The following KIAA1549L variants were observed in gnomAD, a reference collection of about 807,000 sequenced individuals.
KIAA1549L encodes the protein KIAA1549 like.
A neutral mutation model predicts 160.7 loss-of-function variants in KIAA1549L; 88 were observed. The ratio of observed to expected loss-of-function variants is 0.55; its 90% CI spans 0.46 to 0.65. The LOEUF is 0.65. KIAA1549L is among the 30% of genes least tolerant of loss of function. KIAA1549L has a pLI of 0.00. For missense variants in KIAA1549L, 2,258 were observed against 2,437.5 expected (o/e 0.93, Z 1.55); for synonymous variants, 950 against 976.7 (o/e 0.97, Z 0.51).
chr11:33,661,380 C>T (rs755131593), intron 20 of KIAA1549L, among the ~76,000 whole-genome samples: 1 of 152,116 alleles, frequency 6.6e-6, no homozygotes, highest in East Asian at 1.9e-4. Flanking sequence ...GTATTATTCC[C>T]GTGATTACTC....
At chr11:33,616,269 G>A (rs938156051) in intron 15 of KIAA1549L, among the ~76,000 whole-genome samples, 9 of 152,234 alleles carry the variant, frequency 5.9e-5, no homozygotes, top group African/African-American at 1.7e-4. Context: ...GTGACAAACC[G>A]GCTGCCAGCA....
At position 33,542,707 on chromosome 11, in the gene KIAA1549L, G is replaced by A. The variant is rs1250756835; in HGVS notation, c.1144G>A (p.Gly382Ser). 2 of 1,613,886 alleles carry A rather than the reference G, an allele frequency of 1.2e-6. No homozygotes were observed. The highest frequency in any genetic ancestry group is 2.7e-5 in the African/African-American group (2 of 74,934). ...ATGGTCAATGTTGGAAGTGGCTTCA[G>A]GTCCTGCATCCACCCAGCAGATCAA... ...PSWSMLEVAS[G>S]PASTQQIKAG... The change falls in exon 2 of 21, where the codon GGT (glycine) becomes AGT (serine). Residue 382 changes from glycine to serine, a missense_variant. Physicochemically the swap from Gly to Ser is moderately conservative, Grantham distance 56. Around this residue, in one of 6 missense-constraint regions of KIAA1549L, gnomAD observed 540 missense variants for 465.7 expected, o/e 1.16. Transcript: ENST00000658780.
intron 1 of KIAA1549L, among the ~76,000 whole-genome samples, chr11:33,467,555 TGAG>T (rs2133016969): frequency 6.6e-6 from 1 of 152,338 alleles, no homozygotes; most frequent in African/African-American, 2.4e-5. Flanking sequence ...GGTTGCCAGT[TGAG>T]GAGTTTGCCA....
intron 16 of KIAA1549L, among the ~76,000 whole-genome samples, chr11:33,631,518 G>T (rs569042442): frequency 1.1e-4 from 16 of 152,250 alleles, no homozygotes; most frequent in South Asian, 8.3e-4. Flanking sequence ...AGCATCCGTG[G>T]TCTCTACCTA....
chr11:33,428,046 T>C (rs958016136), intron 1 of KIAA1549L, among the ~76,000 whole-genome samples: 1 of 152,256 alleles, frequency 6.6e-6, no homozygotes, highest in Admixed American at 6.5e-5. Context: ...TTTCCACCTT[T>C]TGGTTATGGT....
chr11:33,432,136 T>C (rs1466225321), intron 1 of KIAA1549L, among the ~76,000 whole-genome samples: 2 of 151,974 alleles, frequency 1.3e-5, no homozygotes, highest in African/African-American at 2.4e-5. Flanking sequence ...CCTCCACACC[T>C]CCCCGCAAGC....
chr11:33,439,569 ATT>A (rs34456047), intron 1 of KIAA1549L, among the ~76,000 whole-genome samples: 27,770 of 123,756 alleles, frequency 0.22, 3,103 homozygotes, highest in East Asian at 0.31. Context: ...TGCCCGGCTA[ATT>A]TTTTTTTTTT....
chr11:33,599,103 T>G (rs1564917887), intron 13 of KIAA1549L, 156 bp downstream of exon 13: 1 of 768,776 alleles, frequency 1.3e-6, no homozygotes, highest in Non-Finnish European at 2.0e-6. Context: ...GGAGTCTGTA[T>G]GTACCCCTTG....
chr11:33,570,827 C>G (rs766209066), intron 9 of KIAA1549L, among the ~76,000 whole-genome samples: 1 of 152,210 alleles, frequency 6.6e-6, no homozygotes, highest in Non-Finnish European at 1.5e-5. Flanking sequence ...CAAGTTTTAA[C>G]TACCACAAGA....
intron 1 of KIAA1549L, among the ~76,000 whole-genome samples, chr11:33,524,196 C>T (rs546689663): frequency 3.4e-4 from 52 of 152,158 alleles, no homozygotes; most frequent in Non-Finnish European, 2.1e-4. Context: ...TTTTGATTAT[C>T]GACATTATTC....
chr11:33,644,667 C>T (rs889266916), intron 16 of KIAA1549L, among the ~76,000 whole-genome samples: 1 of 152,226 alleles, frequency 6.6e-6, no homozygotes, highest in Non-Finnish European at 1.5e-5. Flanking sequence ...GTTAAAGTAA[C>T]TCTCCTGGTT....
At chr11:33,602,692 A>G (rs1231083397) in intron 13 of KIAA1549L, among the ~76,000 whole-genome samples, 1 of 152,246 alleles carries the variant, frequency 6.6e-6, no homozygotes, top group Non-Finnish European at 1.5e-5. Context: ...TGGCCCCTTA[A>G]GCATTCTCCC....
intron 16 of KIAA1549L, among the ~76,000 whole-genome samples, chr11:33,622,814 T>C (rs944950917): frequency 6.6e-6 from 1 of 152,140 alleles, no homozygotes; most frequent in Non-Finnish European, 1.5e-5. Flanking sequence ...TGGATAAAAG[T>C]ATATCCCAAA....
At chr11:33,610,772 C>T (rs1443171307) in intron 15 of KIAA1549L, among the ~76,000 whole-genome samples, 1 of 152,236 alleles carries the variant, frequency 6.6e-6, no homozygotes, top group Admixed American at 6.5e-5. Context: ...GCTGCTATAA[C>T]AGAATACCTG....
At chr11:33,606,949 G>A (rs975090500) in intron 14 of KIAA1549L, 127 bp downstream of exon 14, 1 of 712,408 alleles carries the variant, frequency 1.4e-6, no homozygotes, top group Admixed American at 3.0e-5. Context: ...TTTTACCTCT[G>A]CATGTACCAG....
At chr11:33,585,293 C>A (rs1049061646) in intron 11 of KIAA1549L, among the ~76,000 whole-genome samples, 1 of 152,064 alleles carries the variant, frequency 6.6e-6, no homozygotes, top group Non-Finnish European at 1.5e-5. Flanking sequence ...CCGAGGCGGG[C>A]GGATCACCTG....
chr11:33,467,801 C>T (rs1054743837), intron 1 of KIAA1549L, among the ~76,000 whole-genome samples: 11 of 152,154 alleles, frequency 7.2e-5, no homozygotes, highest in African/African-American at 2.4e-4. Flanking sequence ...GCAAGTGTAC[C>T]ATCCTGGAAG....
intron 1 of KIAA1549L, among the ~76,000 whole-genome samples, chr11:33,418,404 G>C (rs1219238275): frequency 6.6e-6 from 1 of 152,174 alleles, no homozygotes; most frequent in South Asian, 2.1e-4. Context: ...GCACTAGGAG[G>C]TAGGTATGCT....
chr11:33,397,061 G>A (rs114867982), intron 1 of KIAA1549L, among the ~76,000 whole-genome samples: 199 of 151,754 alleles, frequency 1.3e-3, no homozygotes, highest in African/African-American at 4.7e-3. Context: ...GGTTGGGCGC[G>A]GTAGCTCACG....
Sources: gnomAD v4.1 joint callset for allele counts (sites outside exome capture counted in the v4.1 genomes callset) on GRCh38, gnomAD v4.1.1 for gene constraint, gnomAD v4.1.1 regional missense constraint, MANE v1.5 for transcripts, NCBI Gene and HGNC (gene_info 2026-07-23, HGNC 2026-07-21) for gene names.